SATL1: variants seen among roughly 807,000 people sequenced by gnomAD.
SATL1 encodes the protein spermidine/spermine N(1)-acetyltransferase-like protein 1.
A neutral mutation model predicts 51.8 loss-of-function variants in SATL1; 47 were observed. That is an observed-to-expected ratio of 0.91 (90% CI 0.72 to 1.16). The LOEUF is 1.16. Ranked by LOEUF, SATL1 falls within the 50% of genes most tolerant of loss-of-function variation. The pLI is 0.00. For missense variants in SATL1, 520 were observed against 526.4 expected, an observed-to-expected ratio of 0.99 and a Z score of 0.12; for synonymous variants, 176 against 182.4, an observed-to-expected ratio of 0.97 and a Z score of 0.28.
At chrX:85,238,845 T>C (rs1270610372) in intron 1 of SATL1, among the ~76,000 whole-genome samples, 1 of 111,165 alleles carries the variant, frequency 9.0e-6, no homozygotes, top group African/African-American at 3.3e-5. Flanking sequence ...TATATACATC[T>C]ACTATGTACC....
chrX:85,130,876 C>T (rs1489080731), intron 2 of SATL1, among the ~76,000 whole-genome samples: 1 of 111,914 alleles, frequency 8.9e-6, no homozygotes, highest in South Asian at 3.7e-4. Flanking sequence ...CATAGAACAT[C>T]TTTATTTCTG....
At chrX:85,208,174 T>C (rs960126226) in intron 2 of SATL1, among the ~76,000 whole-genome samples, 2 of 110,985 alleles carry the variant, frequency 1.8e-5, no homozygotes, top group Non-Finnish European at 3.8e-5. Flanking sequence ...GTCCTTGTGA[T>C]AGTCTGCTCA....
intron 2 of SATL1, among the ~76,000 whole-genome samples, chrX:85,220,182 C>T (rs1033208149): frequency 4.5e-5 from 5 of 110,116 alleles, no homozygotes; most frequent in Admixed American, 9.7e-5. Flanking sequence ...ACTCAGCTGA[C>T]ACCCACCCAC....
intron 2 of SATL1, among the ~76,000 whole-genome samples, chrX:85,135,885 A>T (rs183427077): frequency 1.3e-3 from 148 of 110,152 alleles, no homozygotes; most frequent in African/African-American, 4.6e-3. Context: ...CAGCCTAGAG[A>T]GATAAATCTA....
chrX:85,123,911 G>C (rs1602848581), intron 2 of SATL1, among the ~76,000 whole-genome samples: 1 of 111,491 alleles, frequency 9.0e-6, no homozygotes. Context: ...TGTTAACTCT[G>C]GTTACCACTG....
At chrX:85,095,950 A>G (rs954242538) in intron 4 of SATL1, among the ~76,000 whole-genome samples, 2 of 110,840 alleles carry the variant, frequency 1.8e-5, no homozygotes, top group Admixed American at 1.9e-4. Context: ...ACTCCCATCA[A>G]ATCCTGGGGA....
At chrX:85,133,084 T>C (rs1264264886) in intron 2 of SATL1, among the ~76,000 whole-genome samples, 4 of 110,732 alleles carry the variant, frequency 3.6e-5, no homozygotes, top group African/African-American at 1.3e-4. Flanking sequence ...CTACAGGGAG[T>C]TGTCTCCAAG....
chrX:85,242,587 C>T (rs745949585), intron 1 of SATL1, among the ~76,000 whole-genome samples: 11 of 112,226 alleles, frequency 9.8e-5, no homozygotes, highest in Middle Eastern at 9.3e-3. Context: ...CTTATCTCTC[C>T]CTGGAACTCA....
intron 2 of SATL1, among the ~76,000 whole-genome samples, chrX:85,217,839 G>A (rs1263916855): frequency 9.0e-6 from 1 of 111,592 alleles, no homozygotes; most frequent in Non-Finnish European, 1.9e-5. Context: ...AACTCCTTCT[G>A]AAACACCTTC....
In SATL1 at chrX:85,107,638, G is replaced by GGTTGCCACATGCCTC. The variant is rs772878796; in HGVS notation, c.1316_1330dup (p.Arg439_Gln443dup). On this transcript the variant is annotated inframe_insertion, in exon 3 of 8. Coordinates refer to ENST00000644105, the MANE Select transcript of SATL1 (RefSeq NM_001367857.2). ...GCTGGGGACTTGCTGGCTCATGCCT[G>GGTTGCCACATGCCTC]GTTGCCACATGCCTCGTTGCCACAT... 2 of 1,212,258 alleles carry GGTTGCCACATGCCTC rather than the reference G, an allele frequency of 1.6e-6. No homozygotes were observed. The highest frequency in any genetic ancestry group is 2.2e-5 in the Admixed American group (1 of 46,112).
chrX:85,107,684 G>T lies in SATL1; in HGVS notation c.1285C>A (p.Pro429Thr), dbSNP rs1261091036. The T allele has an allele frequency of 8.3e-7, 1 of 1,211,165 alleles. No homozygotes were observed. The highest frequency in any genetic ancestry group is 1.1e-6 in the Non-Finnish European group (1 of 895,329). ...TGLSQPVPRQ[P>T]NKSPPGMWQR... ...CACATGCCTGGTGGACTCTTGTTTG[G>T]TTGCCTCGGGACTGGTTGGCTCAGG... Residue 429 changes from proline to threonine, a missense_variant, in exon 3 of 8, where the codon CCA becomes ACA. This residue lies in a region of SATL1 where 488 missense variants were observed against 474.3 expected (regional missense o/e 1.03). Coordinates refer to ENST00000644105, the MANE Select transcript of SATL1 (RefSeq NM_001367857.2).
chrX:85,177,597 G>A (rs1423604850), intron 2 of SATL1, among the ~76,000 whole-genome samples: 1 of 111,313 alleles, frequency 9.0e-6, no homozygotes, highest in African/African-American at 3.3e-5. Flanking sequence ...ACATCTCACT[G>A]TGCAACTATA....
intron 2 of SATL1, among the ~76,000 whole-genome samples, chrX:85,183,587 TAA>T (rs1162279481): frequency 9.0e-6 from 1 of 111,537 alleles, no homozygotes; most frequent in Non-Finnish European, 1.9e-5. Flanking sequence ...TTATAAGATA[TAA>T]AAAAATTATG....
chrX:85,125,403 CT>C (rs1925597610), intron 2 of SATL1, among the ~76,000 whole-genome samples: 1 of 110,816 alleles, frequency 9.0e-6, no homozygotes, highest in Non-Finnish European at 1.9e-5. Context: ...GACAATTACA[CT>C]GAGTAGTACT....
chrX:85,201,998 T>C (rs1927696597), intron 2 of SATL1, among the ~76,000 whole-genome samples: 1 of 112,042 alleles, frequency 8.9e-6, no homozygotes, highest in Non-Finnish European at 1.9e-5. Context: ...CATTGATGGG[T>C]TGAATGGTAC....
chrX:85,113,744 C>T (rs1426259644), intron 2 of SATL1, among the ~76,000 whole-genome samples: 2 of 112,139 alleles, frequency 1.8e-5, no homozygotes, highest in East Asian at 5.6e-4. Context: ...ATATAAGCTC[C>T]TTTTAAAATT....
intron 2 of SATL1, among the ~76,000 whole-genome samples, chrX:85,223,113 A>C (rs963621828): frequency 9.0e-6 from 1 of 111,633 alleles, no homozygotes; most frequent in African/African-American, 3.2e-5. Context: ...TCTATGGCTA[A>C]GCTTTTATTT....
At chrX:85,161,055 G>A (rs1463944800) in intron 2 of SATL1, among the ~76,000 whole-genome samples, 2 of 111,438 alleles carry the variant, frequency 1.8e-5, no homozygotes, top group African/African-American at 6.5e-5. Context: ...TCTCATATAC[G>A]GCCAAACTAA....
At chrX:85,161,967 C>G (rs772246541) in intron 2 of SATL1, among the ~76,000 whole-genome samples, 1 of 112,110 alleles carries the variant, frequency 8.9e-6, no homozygotes, top group East Asian at 2.8e-4. Flanking sequence ...ACCACTCTCT[C>G]AGACCACAGT....
Sources: gnomAD v4.1 joint callset for allele counts (sites outside exome capture counted in the v4.1 genomes callset) on GRCh38, gnomAD v4.1.1 for gene constraint, gnomAD v4.1.1 regional missense constraint, MANE v1.5 for transcripts, NCBI Gene and HGNC (gene_info 2026-07-23, HGNC 2026-07-21) for gene names.